RPS6KA1: variants seen among roughly 807,000 people sequenced by gnomAD.
The protein encoded by RPS6KA1 is ribosomal protein S6 kinase A1.
Under a neutral mutation model 91.3 loss-of-function variants are expected in RPS6KA1, and 48 were observed. The ratio of observed to expected loss-of-function variants is 0.53; its 90% confidence interval spans 0.42 to 0.67. RPS6KA1 has a LOEUF of 0.67. Among genes scored for constraint, RPS6KA1 ranks in the 30% least tolerant of loss-of-function variants. The pLI is 0.00. For missense variants in RPS6KA1, 719 were observed against 960.5 expected, an observed-to-expected ratio of 0.75 and a Z score of 3.32; for synonymous variants, 359 against 384.7, an observed-to-expected ratio of 0.93 and a Z score of 0.78.
At position 26,557,011 on chromosome 1, in the gene RPS6KA1, G is replaced by A. The variant is rs779820707; in HGVS notation, c.995G>A (p.Arg332His). ...CCCACTGTGCAGAAGCTATACCGTC[G>A]TGAGATCAAGCCACCCTTCAAGCCA... ...STIDWNKLYR[R>H]EIKPPFKPAV... The change falls in exon 13 of 22, where the codon CGT becomes CAT. Residue 332 changes from arginine (R) to histidine (H), a missense_variant. Transcript: ENST00000374168. 14 of 1,613,842 alleles carry A rather than the reference G, an allele frequency of 8.7e-6. No individual in the cohort carries two copies. Among genetic ancestry groups the A allele is most frequent in the Admixed American group, 8.3e-5 (5 of 60,004 alleles).
Position 26,551,433 on chromosome 1 carries a change from T to A in RPS6KA1, c.344T>A (p.Ile115Asn). 1.2e-6 allele frequency: 2 copies of A among 1,614,126 alleles called. No individual in the cohort carries two copies. The highest frequency in any genetic ancestry group is 1.7e-6 in the Non-Finnish European group (2 of 1,180,026). Residue 115 changes from isoleucine to asparagine, a missense_variant, in exon 5 of 22, where the codon ATC becomes AAC. By Grantham distance (149) the Ile-to-Asn change is moderately radical. Around this residue, in one of 5 missense-constraint regions of RPS6KA1, gnomAD observed 159 missense variants for 264.5 expected, o/e 0.60. Coordinates refer to ENST00000374168, the MANE Select transcript of RPS6KA1 (RefSeq NM_002953.4). This position sits in a 1 kb window ranked among gnomAD's most constrained non-coding sequence, Gnocchi z 4.5. ...DRVRTKMERDILADVNHPFVV... is the reference protein window; with the variant it reads ...DRVRTKMERDNLADVNHPFVV... ...GTCCGGACCAAGATGGAGAGAGACA[T>A]CCTGGCTGATGTAAATCACCCATTC...
intron 2 of RPS6KA1, chr1:26,544,258 A>G (rs2075972892): frequency 2.2e-6 from 1 of 454,294 alleles, no homozygotes. Context: ...GTTGGGTTCC[A>G]ATCTCTGTCT....
rs1027269330 is a variant in RPS6KA1 at position 26,529,796 on chromosome 1, C to G, written c.-125C>G. ...TGCCGCGGCGGCGGCGGCGGACGGC[C>G]CAGCCGGAGCGCGAGGGGCTCGGGG... On this transcript the variant is annotated 5_prime_UTR_variant, in exon 1 of 22. Coordinates refer to ENST00000374168, the MANE Select transcript of RPS6KA1 (RefSeq NM_002953.4). This position sits in a 1 kb window ranked among gnomAD's most constrained non-coding sequence, Gnocchi z 4.2. The G allele has an allele frequency of 9.3e-6, 6 of 645,616 alleles. No homozygotes were observed. The highest frequency in any genetic ancestry group is 2.0e-5 in the African/African-American group (1 of 51,182). 40.0% of individuals were successfully genotyped at this position (645,616 alleles called of 1,614,324 possible).
Position 26,560,861 on chromosome 1 carries a change from C to T in RPS6KA1, c.1341+10C>T. 6.2e-7 allele frequency: 1 copy of T among 1,614,176 alleles called. No homozygotes were observed. ...GGAGTATGCTGTCAAGGTGGGCCTCCTGACCACGTCTCGGCCAAGGCTGCT... is the reference window on the plus strand; with the variant it reads ...GGAGTATGCTGTCAAGGTGGGCCTCTTGACCACGTCTCGGCCAAGGCTGCT... On this transcript the variant is annotated intron_variant, in intron 15 of 21. Transcript: ENST00000374168.
At position 26,561,558 on chromosome 1, in the gene RPS6KA1, G is replaced by A; in HGVS notation, c.1485G>A (p.Gly495=). 3.7e-6 allele frequency: 6 copies of A among 1,614,140 alleles called. No individual in the cohort carries two copies. The highest frequency in any genetic ancestry group is 5.1e-6 in the Non-Finnish European group (6 of 1,180,028). ...TGGTGACAGAGCTGATGCGGGGTGG[G>A]GAGCTGCTGGACAAGATCCTGCGGC... ...VYLVTELMRG[G]ELLDKILRQK... The change falls in exon 17 of 22, where the codon GGG becomes GGA. Residue 495 remains glycine, a synonymous_variant. Transcript: ENST00000374168. The surrounding 1 kb of genome is among the most constrained non-coding windows in gnomAD (Gnocchi z 5.7).
chr1:26,532,593 C>T (rs757458874), intron 1 of RPS6KA1, among the ~76,000 whole-genome samples: 2 of 152,214 alleles, frequency 1.3e-5, no homozygotes, highest in Non-Finnish European at 2.9e-5. Context: ...CCAGCCAGCC[C>T]TGGCACCTGG....
chr1:26,545,636 A>G (rs2075987524), intron 2 of RPS6KA1, among the ~76,000 whole-genome samples: 2 of 152,080 alleles, frequency 1.3e-5, no homozygotes, highest in Admixed American at 6.5e-5. Context: ...TTGGCAGGGG[A>G]CTTTCCCTTT....
chr1:26,573,593 G>C (rs953171640), intron 21 of RPS6KA1, among the ~76,000 whole-genome samples: 1 of 152,192 alleles, frequency 6.6e-6, no homozygotes, highest in African/African-American at 2.4e-5. Context: ...GAACCCTCCA[G>C]TCTGATGGGG....
intron 17 of RPS6KA1, among the ~76,000 whole-genome samples, chr1:26,570,169 T>C (rs2076237478): frequency 6.6e-6 from 1 of 152,040 alleles, no homozygotes; most frequent in East Asian, 1.9e-4. Flanking sequence ...TGGTAGTTGA[T>C]AGTTAGAGGA....
At chr1:26,560,684 C>T in intron 14 of RPS6KA1, 42 bp from the exon 15 acceptor site, 1 of 1,613,630 alleles carries the variant, frequency 6.2e-7, no homozygotes. Context: ...ACCCCTAGCA[C>T]TCTAGAGCCA....
At chr1:26,573,951 CAACA>C (rs1477989817) in intron 21 of RPS6KA1, 124 bp from the exon 22 acceptor site, 1 of 926,068 alleles carries the variant, frequency 1.1e-6, no homozygotes, top group African/African-American at 1.7e-5. Flanking sequence ...AAAAAAAAAA[CAACA>C]AAAACAAAAC....
intron 14 of RPS6KA1, among the ~76,000 whole-genome samples, chr1:26,560,357 C>T (rs1228282090): frequency 3.3e-5 from 5 of 152,224 alleles, no homozygotes; most frequent in South Asian, 2.1e-4. Context: ...CACTCAAAGC[C>T]GTACTTAGTG....
intron 14 of RPS6KA1, among the ~76,000 whole-genome samples, chr1:26,559,242 A>G (rs2076133047): frequency 6.6e-6 from 1 of 152,034 alleles, no homozygotes; most frequent in South Asian, 2.1e-4. Flanking sequence ...CTTGGATCTC[A>G]TCACACTTGT....
At chr1:26,541,474 A>G (rs1317562789) in intron 2 of RPS6KA1, among the ~76,000 whole-genome samples, 3 of 151,310 alleles carry the variant, frequency 2.0e-5, no homozygotes, top group Non-Finnish European at 2.9e-5. Flanking sequence ...AGAATCACTT[A>G]AGCCCAGGAG....
chr1:26,545,389 G>A (rs2075984957), intron 2 of RPS6KA1, among the ~76,000 whole-genome samples: 1 of 150,962 alleles, frequency 6.6e-6, no homozygotes, highest in Admixed American at 6.6e-5. Context: ...TGTTAACCAG[G>A]ATCGTCTCGA....
At chr1:26,562,429 G>A (rs950721996) in intron 17 of RPS6KA1, among the ~76,000 whole-genome samples, 5 of 152,168 alleles carry the variant, frequency 3.3e-5, no homozygotes, top group Admixed American at 6.5e-5. Flanking sequence ...GTCACCGTGG[G>A]GGAGCTGCAA....
intron 17 of RPS6KA1, among the ~76,000 whole-genome samples, chr1:26,563,003 A>AT (rs200496086): frequency 6.6e-6 from 1 of 150,920 alleles, no homozygotes; most frequent in Non-Finnish European, 1.5e-5. Context: ...TGCCTGGCTA[A>AT]TTTTTTTGTA....
chr1:26,562,495 G>A (rs1272865630), intron 17 of RPS6KA1, among the ~76,000 whole-genome samples: 1 of 152,200 alleles, frequency 6.6e-6, no homozygotes, highest in Non-Finnish European at 1.5e-5. Flanking sequence ...GGAAATGGAT[G>A]CAGGAGGAAA....
rs76288018 is a variant in RPS6KA1, at chr1:26,558,168, C to T, written c.1085-639C>T. Among the ~76,000 whole-genome samples the T allele has an allele frequency of 0.033, 4,948 of 152,230 alleles. 104 individuals carry two copies. Among genetic ancestry groups the T allele is most frequent in the South Asian group, 0.065 (311 of 4,820 alleles). On this transcript the variant is annotated intron_variant, in intron 13 of 21. Coordinates refer to ENST00000374168, the MANE Select transcript of RPS6KA1 (RefSeq NM_002953.4). This position sits in a 1 kb window ranked among gnomAD's most constrained non-coding sequence, Gnocchi z 4.0. ...CTGGGCAACGTGACAAGTGCAGCTT[C>T]GTAGGAGTCAGGGGCCGGAGGAGCA...
Sources: gnomAD v4.1 joint callset for allele counts (sites outside exome capture counted in the v4.1 genomes callset) on GRCh38, gnomAD v4.1.1 for gene constraint, gnomAD v4.1.1 regional missense constraint, Gnocchi (gnomAD v3.1) non-coding constraint, MANE v1.5 for transcripts, NCBI Gene and HGNC (gene_info 2026-07-23, HGNC 2026-07-21) for gene names.